ERBIN: variants seen among roughly 807,000 people sequenced by gnomAD.
ERBIN encodes the protein erbb2 interacting protein.
In ERBIN, 60 loss-of-function variants were observed where a neutral mutation model predicts 158.4. The ratio of observed to expected loss-of-function variants is 0.38; its 90% CI spans 0.31 to 0.47. ERBIN has a LOEUF of 0.47. Among genes scored for constraint, ERBIN ranks in the 20% least tolerant of loss-of-function variants. The pLI is 0.99. For synonymous variants in ERBIN, 594 were observed against 557.2 expected (o/e 1.07, Z -0.93); for missense variants, 1,610 against 1,648.0 (o/e 0.98, Z 0.40).
At chr5:66,018,553 T>A (rs377741785) in intron 7 of ERBIN, among the ~76,000 whole-genome samples, 214 of 7,246 alleles carry the variant, frequency 0.03, 53 homozygotes, top group African/African-American at 0.11. Flanking sequence ...ATATTATATA[T>A]TATATAATAT....
chr5:66,047,010 T>C (rs2151214983), intron 18 of ERBIN, among the ~76,000 whole-genome samples: 1 of 152,244 alleles, frequency 6.6e-6, no homozygotes, highest in South Asian at 2.1e-4. Flanking sequence ...TTATTTAAAG[T>C]ATTCAATTCA....
chr5:65,944,668 T>C (rs189255605), intron 1 of ERBIN, among the ~76,000 whole-genome samples: 239 of 152,318 alleles, frequency 1.6e-3, no homozygotes, highest in Middle Eastern at 6.8e-3. Context: ...CCCAGAGTGT[T>C]GGGATTACAG....
At chr5:65,959,590 A>G (rs1040804416) in intron 1 of ERBIN, among the ~76,000 whole-genome samples, 6 of 152,330 alleles carry the variant, frequency 3.9e-5, no homozygotes, top group Admixed American at 3.3e-4. Flanking sequence ...TAGTTCTCAA[A>G]TACAAATTGA....
chr5:66,017,125 G>A lies in ERBIN; in HGVS notation c.533+2400G>A, dbSNP rs190707968. Among the ~76,000 whole-genome samples the A allele has an allele frequency of 1.4e-3, 213 of 152,024 alleles. 2 individuals carry two copies. Among genetic ancestry groups the A allele is most frequent in the Non-Finnish European group, 2.3e-3 (154 of 68,002 alleles). ...GTTATTTAAATTGATTCCATATTTT[G>A]GCTATTGTGAATAGTGCTGCCATAG... On this transcript the variant is annotated intron_variant, in intron 7 of 25. Coordinates refer to ENST00000284037, the MANE Select transcript of ERBIN (RefSeq NM_001253697.2).
intron 21 of ERBIN, among the ~76,000 whole-genome samples, chr5:66,071,471 T>C (rs1206697325): frequency 1.3e-5 from 2 of 152,224 alleles, no homozygotes; most frequent in Non-Finnish European, 2.9e-5. Flanking sequence ...GGGATATTAT[T>C]TGGCCTATAA....
intron 13 of ERBIN, among the ~76,000 whole-genome samples, chr5:66,027,657 A>G (rs779827958): frequency 6.6e-6 from 1 of 152,064 alleles, no homozygotes; most frequent in Non-Finnish European, 1.5e-5. Context: ...GATTTAAAAT[A>G]TATGGGGGGA....
rs397884229 is a variant in ERBIN, at chr5:66,074,045, A to ATTT, written c.3757-954_3757-952dup. 5.6e-3 allele frequency among the ~76,000 whole-genome samples: 513 copies of ATTT among 91,928 alleles called. 10 individuals carry two copies. The highest frequency in any genetic ancestry group is 7.5e-3 in the Non-Finnish European group (364 of 48,284). 60.3% of individuals were successfully genotyped at this position (91,928 alleles called of 152,430 possible). On this transcript the variant is annotated intron_variant, in intron 22 of 25. Coordinates refer to ENST00000284037, the MANE Select transcript of ERBIN (RefSeq NM_001253697.2). ...AGGTGTGCACCACCATGCCCAGCTA[A>ATTT]TTTTTTTTTTTTTTTTTTTTTTTTT...
At chr5:66,072,637 C>G (rs1443574391) in intron 22 of ERBIN, among the ~76,000 whole-genome samples, 1 of 152,108 alleles carries the variant, frequency 6.6e-6, no homozygotes, top group African/African-American at 2.4e-5. Context: ...GTGTTAAACT[C>G]TTCATTCTAG....
chr5:65,986,870 G>T (rs560717742), intron 1 of ERBIN, among the ~76,000 whole-genome samples: 1 of 152,272 alleles, frequency 6.6e-6, no homozygotes, highest in African/African-American at 2.4e-5. Flanking sequence ...CATTAATTCA[G>T]CATTAATTGC....
intron 1 of ERBIN, among the ~76,000 whole-genome samples, chr5:65,970,937 C>A (rs946895434): frequency 8.5e-5 from 13 of 152,076 alleles, no homozygotes; most frequent in Admixed American, 6.6e-5. Flanking sequence ...ATCTTTGTAT[C>A]TTTAGTGTTC....
intron 1 of ERBIN, among the ~76,000 whole-genome samples, chr5:65,927,585 C>G (rs1742811669): frequency 2.0e-5 from 3 of 152,332 alleles, no homozygotes; most frequent in Admixed American, 2.0e-4. Flanking sequence ...AATAGGACTT[C>G]TGTACAGTTC....
chr5:65,984,213 A>C (rs1465626709), intron 1 of ERBIN, among the ~76,000 whole-genome samples: 10 of 152,080 alleles, frequency 6.6e-5, no homozygotes, highest in Admixed American at 5.9e-4. Flanking sequence ...TTCCGTTTGC[A>C]CACCCAGCGT....
intron 21 of ERBIN, among the ~76,000 whole-genome samples, chr5:66,063,048 C>G (rs560323962): frequency 6.6e-6 from 1 of 152,322 alleles, no homozygotes; most frequent in East Asian, 1.9e-4. Flanking sequence ...GCTGGGAGAA[C>G]CACTACTCTC....
At chr5:65,987,837 G>A (rs1191085067) in intron 1 of ERBIN, among the ~76,000 whole-genome samples, 3 of 136,388 alleles carry the variant, frequency 2.2e-5, no homozygotes, top group African/African-American at 8.9e-5. Context: ...AGAGTGATAC[G>A]TCTCCAAAAA....
chr5:66,075,368 A>G (rs1761893661), intron 23 of ERBIN, 138 bp downstream of exon 23: 2 of 734,982 alleles, frequency 2.7e-6, no homozygotes, highest in Non-Finnish European at 4.4e-6. Flanking sequence ...TGTTACGTTT[A>G]TAAGGCGTTA....
chr5:65,977,567 G>C (rs1475854162), intron 1 of ERBIN, among the ~76,000 whole-genome samples: 1 of 151,708 alleles, frequency 6.6e-6, no homozygotes, highest in African/African-American at 2.4e-5. Context: ...TGGGCGGCCG[G>C]GCAGAGACGC....
chr5:66,069,375 C>A (rs1761328468), intron 21 of ERBIN, among the ~76,000 whole-genome samples: 1 of 152,136 alleles, frequency 6.6e-6, no homozygotes, highest in Non-Finnish European at 1.5e-5. Context: ...AATCCATAGA[C>A]CTGTTACAGG....
chr5:66,046,334 T>C lies in ERBIN; in HGVS notation c.1603-19T>C. The C allele has an allele frequency of 7.1e-7, 1 of 1,400,412 alleles. No individual in the cohort carries two copies. The highest frequency in any genetic ancestry group is 9.6e-7 in the Non-Finnish European group (1 of 1,037,350). The allele number at this position is 1,400,412 out of a possible 1,614,324, so 86.7% of individuals were successfully genotyped here. On this transcript the variant is annotated intron_variant, in intron 17 of 25. Transcript: ENST00000284037. ...TAAAACTTAAAGAATATGAGCTCTT[T>C]ATCTTTTCTTTTACTTAGACCTCAG...
At position 66,054,428 on chromosome 5, in the gene ERBIN, G is replaced by C. The variant is rs749390226; in HGVS notation, c.3110G>C (p.Arg1037Pro). ...NMNFSNHNNV[R>P]ANTAYHLHQR... is the part of the protein sequence containing the mutation. ...AATTTCTCTAATCATAACAATGTTC[G>C]AGCTAATACTGCATACCATTTACAT... Residue 1037 changes from arginine (R) to proline (P), a missense_variant, in exon 21 of 26, where the codon CGA becomes CCA. Coordinates refer to ENST00000284037, the MANE Select transcript of ERBIN (RefSeq NM_001253697.2). The C allele has an allele frequency of 6.2e-7, 1 of 1,614,088 alleles. No individual in the cohort carries two copies. The highest frequency in any genetic ancestry group is 8.5e-7 in the Non-Finnish European group (1 of 1,180,012).
Sources: allele counts gnomAD v4.1 joint callset (sites outside exome capture counted in the v4.1 genomes callset), GRCh38; gene constraint gnomAD v4.1.1; transcripts MANE v1.5; gene names NCBI Gene and HGNC (gene_info 2026-07-23, HGNC 2026-07-21).